Variants in TASP1 observed in about 807,000 individuals in gnomAD.
TASP1 encodes threonine aspartase 1.
TASP1 carries 16 observed loss-of-function variants against 56.6 expected under a neutral mutation model. The observed-to-expected ratio is 0.28, with a 90% CI of 0.19 to 0.43. TASP1 has a LOEUF of 0.43. TASP1 is among the 20% of genes least tolerant of loss of function. The probability of loss-of-function intolerance (pLI) is 1.00; values close to 1 mark genes in which losing one functional copy is unlikely to be tolerated. For missense variants in TASP1, 393 were observed against 511.6 expected (o/e 0.77, Z 2.24); for synonymous variants, 179 against 184.2 (o/e 0.97, Z 0.23).
chr20:13,632,306 A>C (rs1342883248), intron 1 of TASP1, among the ~76,000 whole-genome samples: 3 of 147,390 alleles, frequency 2.0e-5, no homozygotes, highest in African/African-American at 7.5e-5. Flanking sequence ...GCGAGGTTGC[A>C]GTGAGCAGAG....
At chr20:13,638,231 T>C (rs894623057) in intron 1 of TASP1, among the ~76,000 whole-genome samples, 1 of 152,114 alleles carries the variant, frequency 6.6e-6, no homozygotes, top group Non-Finnish European at 1.5e-5. Flanking sequence ...TAAAGAATAA[T>C]AATAATTCAG....
chr20:13,229,129 TC>T, the TASP1 span, among the ~76,000 whole-genome samples: 42 of 148,412 alleles, frequency 2.8e-4, no homozygotes, highest in Admixed American at 1.3e-3. Context: ...TCCTTATCTT[TC>T]TTCTCTTCTC....
chr20:13,443,646 C>T (rs1255175429), intron 11 of TASP1, among the ~76,000 whole-genome samples: 1 of 152,164 alleles, frequency 6.6e-6, no homozygotes, highest in Non-Finnish European at 1.5e-5. Context: ...AGACTATACA[C>T]AAATTACAGA....
At chr20:13,308,206 CCAT>C in the TASP1 span, among the ~76,000 whole-genome samples, 27 of 152,300 alleles carry the variant, frequency 1.8e-4, no homozygotes, top group Admixed American at 1.8e-3. Context: ...AGACAGGAAT[CCAT>C]CATCAATGAA....
intron 1 of TASP1, among the ~76,000 whole-genome samples, chr20:13,638,091 CTA>C (rs2049375765): frequency 1.3e-5 from 2 of 152,162 alleles, no homozygotes; most frequent in African/African-American, 4.8e-5. Flanking sequence ...CTCTTCATAA[CTA>C]TTTCTGCATT....
At chr20:13,437,955 A>G (rs368809224) in intron 11 of TASP1, among the ~76,000 whole-genome samples, 3 of 152,014 alleles carry the variant, frequency 2.0e-5, no homozygotes, top group African/African-American at 7.2e-5. Flanking sequence ...TATAGATTCA[A>G]TGCCATCCCC....
the TASP1 span, among the ~76,000 whole-genome samples, chr20:13,208,528 A>T: frequency 1.3e-5 from 2 of 152,198 alleles, no homozygotes; most frequent in Non-Finnish European, 2.9e-5. Flanking sequence ...ATGCACCTGT[A>T]TAAGTCTTCC....
At chr20:13,525,699 C>T (rs117945066) in intron 10 of TASP1, among the ~76,000 whole-genome samples, 2 of 152,272 alleles carry the variant, frequency 1.3e-5, no homozygotes, top group East Asian at 3.9e-4. Context: ...TTCAGTGCTC[C>T]ACCTTTCTTC....
the TASP1 span, among the ~76,000 whole-genome samples, chr20:13,301,247 G>T: frequency 6.6e-6 from 1 of 152,044 alleles, no homozygotes; most frequent in African/African-American, 2.4e-5. Flanking sequence ...GGAGTGCAGT[G>T]ACGTGATCTT....
At chr20:13,237,366 A>G in the TASP1 span, among the ~76,000 whole-genome samples, 1 of 152,236 alleles carries the variant, frequency 6.6e-6, no homozygotes, top group Non-Finnish European at 1.5e-5. Context: ...ATGGATAATA[A>G]GGTAGTTAAG....
the TASP1 span, among the ~76,000 whole-genome samples, chr20:13,265,607 C>A: frequency 6.6e-6 from 1 of 152,162 alleles, no homozygotes; most frequent in African/African-American, 2.4e-5. Context: ...CCAAGCTCTG[C>A]ACTCAATCCA....
chr20:13,113,173 A>G, the TASP1 span, among the ~76,000 whole-genome samples: 1 of 152,106 alleles, frequency 6.6e-6, no homozygotes, highest in East Asian at 1.9e-4. Context: ...ACAGAGAGAG[A>G]CTCTGTCTCA....
At chr20:13,360,150 C>T in the TASP1 span, among the ~76,000 whole-genome samples, 2 of 152,010 alleles carry the variant, frequency 1.3e-5, no homozygotes, top group African/African-American at 2.4e-5. Context: ...ATATACTCTC[C>T]TATCCTCAAT....
chr20:13,288,904 C>A, the TASP1 span, among the ~76,000 whole-genome samples: 1 of 152,108 alleles, frequency 6.6e-6, no homozygotes, highest in African/African-American at 2.4e-5. Context: ...CCTGCCTCAG[C>A]CTCCTGAGTA....
the TASP1 span, among the ~76,000 whole-genome samples, chr20:13,144,626 C>T: frequency 2.6e-5 from 4 of 152,286 alleles, no homozygotes; most frequent in South Asian, 4.1e-4. Context: ...TCAACAAACA[C>T]TATATAATTT....
At chr20:13,297,547 C>G in the TASP1 span, among the ~76,000 whole-genome samples, 1 of 152,146 alleles carries the variant, frequency 6.6e-6, no homozygotes, top group Non-Finnish European at 1.5e-5. Flanking sequence ...ACCTGAAGTC[C>G]TGGACTCAGA....
At chr20:13,232,949 A>G in the TASP1 span, among the ~76,000 whole-genome samples, 377 of 152,164 alleles carry the variant, frequency 2.5e-3, no homozygotes, top group Non-Finnish European at 4.0e-3. Context: ...CGATTCTCCA[A>G]GTGATGGTGG....
chr20:13,132,006 G>A, the TASP1 span, among the ~76,000 whole-genome samples: 1 of 151,864 alleles, frequency 6.6e-6, no homozygotes, highest in African/African-American at 2.4e-5. Flanking sequence ...CCACAGAAGG[G>A]TCTTTGCACT....
intron 11 of TASP1, among the ~76,000 whole-genome samples, chr20:13,480,404 G>A (rs1266290270): frequency 6.6e-6 from 1 of 152,084 alleles, no homozygotes. Context: ...ACACCCACTG[G>A]TTAACAAGAT....
Sources: gnomAD v4.1 joint callset for allele counts (sites outside exome capture counted in the v4.1 genomes callset) on GRCh38, gnomAD v4.1.1 for gene constraint, MANE v1.5 for transcripts, NCBI Gene and HGNC (gene_info 2026-07-23, HGNC 2026-07-21) for gene names.